The following AP5M1 variants were observed in gnomAD, a reference collection of about 807,000 sequenced individuals.
AP5M1 encodes adaptor related protein complex 5 subunit mu 1.
AP5M1 carries 44 observed loss-of-function variants against 52.3 expected under a neutral mutation model. The observed-to-expected ratio is 0.84, with a 90% CI of 0.66 to 1.08. The LOEUF (loss-of-function observed/expected upper bound fraction) is 1.08, where lower values mean the gene tolerates loss of function less well. Among genes scored for constraint, AP5M1 ranks in the 50% least tolerant of loss-of-function variants. The pLI, the probability that AP5M1 is intolerant of heterozygous loss-of-function variation, is 0.00. For missense variants in AP5M1, 526 were observed against 568.4 expected (o/e 0.93, Z 0.76); for synonymous variants, 213 against 199.0 (o/e 1.07, Z -0.59).
chr14:57,288,778 T>C, intron 7 of AP5M1, 24 bp from the exon 8 acceptor site: 1 of 1,444,136 alleles, frequency 6.9e-7, no homozygotes, highest in South Asian at 1.2e-5. Flanking sequence ...AGTCTTATCA[T>C]TAATTTCTTT....
rs756572168 is a variant in AP5M1, at chr14:57,269,300, T to TCA, written c.-15_-14insCA. ...CCTTAATTATGAGATGAGCTAATGC[T>TCA]TTACTGACTTAACCATGGCGCAGCG... On this transcript the variant is annotated 5_prime_UTR_variant, in exon 1 of 8. The change abolishes the stop of an existing upstream ORF in the 5' untranslated region. Coordinates refer to ENST00000261558, the MANE Select transcript of AP5M1 (RefSeq NM_018229.4). The TCA allele has an allele frequency of 5.6e-5, 91 of 1,613,738 alleles. No individual in the cohort carries two copies. Among genetic ancestry groups the TCA allele is most frequent in the Admixed American group, 4.8e-4 (29 of 59,954 alleles).
chr14:57,279,351 A>G (rs375422705), intron 2 of AP5M1, among the ~76,000 whole-genome samples: 2 of 152,332 alleles, frequency 1.3e-5, no homozygotes, highest in Admixed American at 6.5e-5. Flanking sequence ...GTGCAGCCAT[A>G]AAAAGGAATG....
chr14:57,287,011 A>T (rs1298414094), intron 7 of AP5M1, among the ~76,000 whole-genome samples: 1 of 151,982 alleles, frequency 6.6e-6, no homozygotes, highest in Non-Finnish European at 1.5e-5. Flanking sequence ...ACACACACAC[A>T]CACACACACA....
intron 2 of AP5M1, among the ~76,000 whole-genome samples, chr14:57,276,679 A>T (rs1173347835): frequency 6.6e-6 from 1 of 150,498 alleles, no homozygotes; most frequent in African/African-American, 2.5e-5. Flanking sequence ...GCTAATTAAT[A>T]TCATGGCATT....
intron 6 of AP5M1, among the ~76,000 whole-genome samples, chr14:57,285,645 G>T (rs1372909145): frequency 6.6e-6 from 1 of 152,066 alleles, no homozygotes; most frequent in African/African-American, 2.4e-5. Context: ...GAAAATTAGC[G>T]CAGCTCATTC....
chr14:57,281,336 T>C (rs934553943), intron 3 of AP5M1, among the ~76,000 whole-genome samples: 4 of 152,236 alleles, frequency 2.6e-5, no homozygotes, highest in African/African-American at 9.6e-5. Flanking sequence ...TTATCTCTTG[T>C]CCTAGTTGTG....
chr14:57,289,040 G>T lies in AP5M1; in HGVS notation c.*156G>T. The T allele has an allele frequency of 2.2e-6, 1 of 453,456 alleles. No individual in the cohort carries two copies. The highest frequency in any genetic ancestry group is 3.3e-5 in the South Asian group (1 of 30,170). 28.1% of individuals were successfully genotyped at this position (453,456 alleles called of 1,614,324 possible). A position where few individuals can be genotyped will look rare whatever the true frequency, so the allele number is the denominator to read the frequency against. ...TATGTGGTGTTTGTAGTCTGATAGA[G>T]CTTGAAAGGACATTTTAAAAGCTAA... On this transcript the variant is annotated 3_prime_UTR_variant, in exon 8 of 8. Transcript: ENST00000261558.
At chr14:57,285,984 A>G (rs1885297805) in intron 6 of AP5M1, among the ~76,000 whole-genome samples, 1 of 152,134 alleles carries the variant, frequency 6.6e-6, no homozygotes, top group East Asian at 1.9e-4. Flanking sequence ...ATTATGTGTT[A>G]AGTACTTCAT....
intron 3 of AP5M1, among the ~76,000 whole-genome samples, chr14:57,281,711 T>G (rs1372952763): frequency 6.6e-6 from 1 of 152,214 alleles, no homozygotes; most frequent in African/African-American, 2.4e-5. Flanking sequence ...ACCAACCAAG[T>G]AAGTTACTGC....
chr14:57,273,139 C>T (rs1440558291), intron 1 of AP5M1, among the ~76,000 whole-genome samples: 2 of 152,078 alleles, frequency 1.3e-5, no homozygotes, highest in Admixed American at 6.6e-5. Context: ...AGGGTTTCAC[C>T]GTGTTGGCCA....
intron 7 of AP5M1, 102 bp from the exon 8 acceptor site, chr14:57,288,700 A>G: frequency 1.4e-6 from 1 of 698,318 alleles, no homozygotes. Flanking sequence ...CAAAGTATTG[A>G]CTTGAAATAA....
At chr14:57,285,150 TA>T (rs1885277386) in intron 6 of AP5M1, among the ~76,000 whole-genome samples, 1 of 152,040 alleles carries the variant, frequency 6.6e-6, no homozygotes, top group Non-Finnish European at 1.5e-5. Context: ...TACAGACAAT[TA>T]GGGGAAGTGG....
rs750418663 is a variant in AP5M1 at position 57,286,340 on chromosome 14, C to G, written c.1390+21C>G. On this transcript the variant is annotated intron_variant, in intron 7 of 7. Coordinates refer to ENST00000261558, the MANE Select transcript of AP5M1 (RefSeq NM_018229.4). ...TGCACGTAAGTTACACAGATTCAAA[C>G]TAACTTAAGGGAATTAAAATGGTGT... The G allele has an allele frequency of 3.4e-6, 5 of 1,462,054 alleles. No homozygotes were observed. In the East Asian group the frequency reaches 1.1e-4, roughly 33 times the overall value. The allele number at this position is 1,462,054 out of a possible 1,614,324, so 90.6% of individuals were successfully genotyped here. A position where few individuals can be genotyped will look rare whatever the true frequency, so the allele number is the denominator to read the frequency against.
chr14:57,270,022 A>G (rs913349548), intron 1 of AP5M1, among the ~76,000 whole-genome samples: 33 of 152,090 alleles, frequency 2.2e-4, no homozygotes, highest in Non-Finnish European at 3.8e-4. Context: ...GTTAGCCAGG[A>G]TAGTCTTGAT....
chr14:57,279,650 AC>A (rs1170501462), intron 2 of AP5M1, among the ~76,000 whole-genome samples: 2 of 152,296 alleles, frequency 1.3e-5, no homozygotes, highest in South Asian at 4.1e-4. Flanking sequence ...TATGTAACAA[AC>A]CTGCACATCC....
At chr14:57,277,530 A>G (rs1218533678) in intron 2 of AP5M1, among the ~76,000 whole-genome samples, 1 of 152,066 alleles carries the variant, frequency 6.6e-6, no homozygotes, top group Non-Finnish European at 1.5e-5. Flanking sequence ...TAAGTTTTAA[A>G]GTAAGATTAT....
rs1885570513 is a variant in AP5M1, at chr14:57,297,181, A to C, written c.*8297A>C. The C allele has an allele frequency of 6.6e-6, 1 of 152,020 alleles. No individual in the cohort carries two copies. The highest frequency in any genetic ancestry group is 2.1e-4 in the South Asian group (1 of 4,826). The allele number at this position is 152,020 out of a possible 1,614,324, so 9.4% of individuals were successfully genotyped here. A position where few individuals can be genotyped will look rare whatever the true frequency, so the allele number is the denominator to read the frequency against. On this transcript the variant is annotated 3_prime_UTR_variant, in exon 8 of 8. Coordinates refer to ENST00000261558, the MANE Select transcript of AP5M1 (RefSeq NM_018229.4). Reference sequence around the variant, plus strand: ...TAGGGTAAATATAAATGTCTAATGAAAGTAATTACTATTATATTTGATTTG... The same window carrying C: ...TAGGGTAAATATAAATGTCTAATGACAGTAATTACTATTATATTTGATTTG...
At chr14:57,279,201 A>G (rs1225811577) in intron 2 of AP5M1, among the ~76,000 whole-genome samples, 2 of 152,192 alleles carry the variant, frequency 1.3e-5, no homozygotes, top group Non-Finnish European at 2.9e-5. Flanking sequence ...AGAAATATAA[A>G]TCATTCTGTT....
intron 3 of AP5M1, among the ~76,000 whole-genome samples, chr14:57,280,767 C>T (rs1204305574): frequency 6.6e-6 from 1 of 151,898 alleles, no homozygotes; most frequent in African/African-American, 2.4e-5. Flanking sequence ...AGGAGAATCG[C>T]TTGAACCCAG....
Sources: allele counts gnomAD v4.1 joint callset (sites outside exome capture counted in the v4.1 genomes callset), GRCh38; gene constraint gnomAD v4.1.1; transcripts MANE v1.5; gene names NCBI Gene and HGNC (gene_info 2026-07-23, HGNC 2026-07-21).